PTPRM: variants seen among roughly 807,000 people sequenced by gnomAD.
PTPRM encodes the protein receptor-type tyrosine-protein phosphatase mu.
PTPRM carries 47 observed loss-of-function variants against 186.7 expected under a neutral mutation model. The ratio of observed to expected loss-of-function variants is 0.25; its 90% CI spans 0.20 to 0.32. PTPRM has a LOEUF of 0.32. Among genes scored for constraint, PTPRM ranks in the 10% least tolerant of loss-of-function variants. The probability of loss-of-function intolerance (pLI) is 1.00; values close to 1 mark genes in which losing one functional copy is unlikely to be tolerated. For missense variants in PTPRM, 1,494 were observed against 1,865.0 expected, an observed-to-expected ratio of 0.80 and a Z score of 3.66; for synonymous variants, 668 against 674.9, an observed-to-expected ratio of 0.99 and a Z score of 0.16.
intron 14 of PTPRM, among the ~76,000 whole-genome samples, chr18:8,167,325 A>C (rs546643473): frequency 6.6e-6 from 1 of 152,324 alleles, no homozygotes; most frequent in African/African-American, 2.4e-5. Flanking sequence ...AGACTCCCAC[A>C]AACAAAGCCT....
At chr18:8,136,559 A>G (rs1256616877) in intron 13 of PTPRM, among the ~76,000 whole-genome samples, 1 of 152,246 alleles carries the variant, frequency 6.6e-6, no homozygotes, top group African/African-American at 2.4e-5. Flanking sequence ...TCTGATTATT[A>G]CTTGTACATT....
intron 19 of PTPRM, among the ~76,000 whole-genome samples, chr18:8,293,262 A>G (rs1287607251): frequency 6.6e-6 from 1 of 152,224 alleles, no homozygotes; most frequent in Non-Finnish European, 1.5e-5. Flanking sequence ...ATTAAATGAA[A>G]ATAATACAAC....
chr18:7,594,614 A>C (rs1374326912), intron 1 of PTPRM, among the ~76,000 whole-genome samples: 1 of 152,214 alleles, frequency 6.6e-6, no homozygotes, highest in African/African-American at 2.4e-5. Context: ...TGCAGAAGGA[A>C]ATGCAGAAAG....
At chr18:7,575,507 G>A (rs2143407943) in intron 1 of PTPRM, among the ~76,000 whole-genome samples, 1 of 152,316 alleles carries the variant, frequency 6.6e-6, no homozygotes, top group East Asian at 1.9e-4. Flanking sequence ...TTGAAATTCA[G>A]CACTGATCCA....
chr18:8,016,725 A>G (rs1435751379), intron 7 of PTPRM, among the ~76,000 whole-genome samples: 1 of 152,140 alleles, frequency 6.6e-6, no homozygotes, highest in Non-Finnish European at 1.5e-5. Context: ...GTTACAAAAG[A>G]CAGACAACAG....
intron 14 of PTPRM, among the ~76,000 whole-genome samples, chr18:8,145,611 T>A (rs751706879): frequency 6.6e-6 from 1 of 152,194 alleles, no homozygotes; most frequent in Non-Finnish European, 1.5e-5. Context: ...CTGAGAATGA[T>A]GGTTTCCAGC....
chr18:7,577,776 G>A (rs1005904650), intron 1 of PTPRM, among the ~76,000 whole-genome samples: 2 of 152,172 alleles, frequency 1.3e-5, no homozygotes, highest in Admixed American at 1.3e-4. Context: ...TTCTGTGTGT[G>A]TGTGTGTGAG....
intron 14 of PTPRM, among the ~76,000 whole-genome samples, chr18:8,203,335 G>T (rs546220326): frequency 4.6e-5 from 7 of 152,148 alleles, no homozygotes; most frequent in Admixed American, 2.6e-4. Flanking sequence ...GGTATGTGTT[G>T]TATTAAAAGA....
intron 3 of PTPRM, among the ~76,000 whole-genome samples, chr18:7,897,083 G>A (rs2049400283): frequency 6.6e-6 from 1 of 152,118 alleles, no homozygotes; most frequent in African/African-American, 2.4e-5. Flanking sequence ...ACAAATCCAG[G>A]GAATGTTAGG....
At chr18:8,126,027 A>ATATTTTTTTTTTTTTTT (rs57751538) in intron 13 of PTPRM, among the ~76,000 whole-genome samples, 1 of 69,532 alleles carries the variant, frequency 1.4e-5, no homozygotes, top group Non-Finnish European at 2.8e-5. Context: ...ATATATATAT[A>ATATTTTTTTTTTTTTTT]TTTTAAATCA....
chr18:8,090,514 T>C (rs2090658901), intron 11 of PTPRM, among the ~76,000 whole-genome samples: 1 of 152,242 alleles, frequency 6.6e-6, no homozygotes, highest in South Asian at 2.1e-4. Flanking sequence ...GCACATTTTC[T>C]ATACTTGTAT....
chr18:7,659,337 T>G (rs950639961), intron 1 of PTPRM, among the ~76,000 whole-genome samples: 17 of 152,142 alleles, frequency 1.1e-4, no homozygotes, highest in Non-Finnish European at 2.2e-4. Flanking sequence ...GTCTGGCACT[T>G]AGGATATCCA....
At chr18:8,184,078 G>C (rs1250433228) in intron 14 of PTPRM, among the ~76,000 whole-genome samples, 1 of 152,126 alleles carries the variant, frequency 6.6e-6, no homozygotes, top group Non-Finnish European at 1.5e-5. Flanking sequence ...TCATCCCAAA[G>C]TTCCTGCCCA....
chr18:8,098,102 G>A (rs1275989656), intron 11 of PTPRM, among the ~76,000 whole-genome samples: 2 of 152,148 alleles, frequency 1.3e-5, no homozygotes, highest in Admixed American at 6.5e-5. Context: ...GCCTAGGGGT[G>A]TAGTAGGCTG....
intron 1 of PTPRM, among the ~76,000 whole-genome samples, chr18:7,651,559 G>T (rs200251579): frequency 6.6e-6 from 1 of 151,918 alleles, no homozygotes; most frequent in African/African-American, 2.4e-5. Flanking sequence ...CAGAGATATA[G>T]ATCAATGGAA....
At chr18:7,915,497 G>A (rs369383276) in intron 4 of PTPRM, among the ~76,000 whole-genome samples, 9 of 152,258 alleles carry the variant, frequency 5.9e-5, no homozygotes, top group African/African-American at 2.2e-4. Flanking sequence ...TGGCCATAGA[G>A]CTCTTTTTCT....
chr18:7,693,925 G>C (rs2039788041), intron 1 of PTPRM, among the ~76,000 whole-genome samples: 1 of 152,140 alleles, frequency 6.6e-6, no homozygotes, highest in Non-Finnish European at 1.5e-5. Context: ...TTCAAAAATG[G>C]GAACAGTAGT....
chr18:7,653,173 G>T (rs1410490990), intron 1 of PTPRM, among the ~76,000 whole-genome samples: 1 of 149,448 alleles, frequency 6.7e-6, no homozygotes, highest in Admixed American at 6.7e-5. Flanking sequence ...TTAAGACAGG[G>T]TCTCACTCTG....
At chr18:7,697,712 G>A (rs2039874543) in intron 1 of PTPRM, among the ~76,000 whole-genome samples, 1 of 152,130 alleles carries the variant, frequency 6.6e-6, no homozygotes, top group Admixed American at 6.6e-5. Context: ...TATTTACAGA[G>A]TAATCTAGAG....
Sources: allele counts gnomAD v4.1 joint callset (sites outside exome capture counted in the v4.1 genomes callset), GRCh38; gene constraint gnomAD v4.1.1; transcripts MANE v1.5; gene names NCBI Gene and HGNC (gene_info 2026-07-23, HGNC 2026-07-21).